RANBP17: variants seen among roughly 807,000 people sequenced by gnomAD.
RANBP17 encodes the protein ran-binding protein 17.
RANBP17 carries 158 observed loss-of-function variants against 141.2 expected under a neutral mutation model. That is an observed-to-expected ratio of 1.12 (90% CI 0.98 to 1.28). The LOEUF (loss-of-function observed/expected upper bound fraction) is 1.28. Ranked by LOEUF, RANBP17 falls within the 50% of genes most tolerant of loss-of-function variation. The pLI, the probability that RANBP17 is intolerant of heterozygous loss-of-function variation, is 0.00. For synonymous variants in RANBP17, 430 were observed against 450.0 expected, an observed-to-expected ratio of 0.96 and a Z score of 0.56; for missense variants, 1,438 against 1,290.7, an observed-to-expected ratio of 1.11 and a Z score of -1.75.
intron 3 of RANBP17, among the ~76,000 whole-genome samples, chr5:170,887,609 A>G (rs1410512227): frequency 6.6e-6 from 1 of 152,114 alleles, no homozygotes; most frequent in East Asian, 1.9e-4. Flanking sequence ...TCAGAGATCA[A>G]TTGACTGTAT....
chr5:170,897,153 C>G lies in RANBP17; in HGVS notation c.489+1038C>G, dbSNP rs1382621289. 3.5e-5 allele frequency: 29 copies of G among 817,748 alleles called. No individual in the cohort carries two copies. In the Admixed American group the frequency reaches 5.0e-4, roughly 14 times the overall value. 50.7% of individuals were successfully genotyped at this position (817,748 alleles called of 1,614,324 possible). ...GGACCACTGAGAGATGTATTTGATA[C>G]CAAACAGCTCATCACTGATACTTAT... On this transcript the variant is annotated intron_variant, in intron 5 of 27. Coordinates refer to ENST00000523189, the MANE Select transcript of RANBP17 (RefSeq NM_022897.5).
chr5:171,103,689 T>TG (rs2127747639), intron 14 of RANBP17, among the ~76,000 whole-genome samples: 1 of 151,786 alleles, frequency 6.6e-6, no homozygotes, highest in South Asian at 2.1e-4. Context: ...TCTGCTCAAA[T>TG]GGCCACCCAG....
intron 14 of RANBP17, among the ~76,000 whole-genome samples, chr5:171,163,002 A>G (rs1267247082): frequency 6.6e-6 from 1 of 152,222 alleles, no homozygotes; most frequent in Admixed American, 6.5e-5. Flanking sequence ...CAGATATTCT[A>G]ATTGAAATAA....
At chr5:171,119,761 T>C (rs376622784) in intron 14 of RANBP17, among the ~76,000 whole-genome samples, 13 of 152,196 alleles carry the variant, frequency 8.5e-5, no homozygotes, top group East Asian at 7.7e-4. Flanking sequence ...GCCACCTGGC[T>C]GGGCATGGTG....
At chr5:171,293,737 C>T in intron 25 of RANBP17, 146 bp from the exon 26 acceptor site, 1 of 638,618 alleles carries the variant, frequency 1.6e-6, no homozygotes, top group Non-Finnish European at 2.8e-6. Flanking sequence ...GCCTTATAAG[C>T]TTCCAGAGTC....
Position 171,221,784 on chromosome 5 carries a change from C to A in RANBP17, c.2366C>A (p.Ser789Ter). Residue 789 changes from serine (S) to a stop codon, truncating the protein, a stop_gained, in exon 22 of 28, where the codon TCA (serine) becomes TAA (stop). Coordinates refer to ENST00000523189, the MANE Select transcript of RANBP17 (RefSeq NM_022897.5). LOFTEE classifies it high-confidence loss of function. ...NRSQRLNFDV[S>*]SPNGILLFRE... Reference sequence around the variant, plus strand: ...TCCCAGCGTTTGAATTTTGATGTATCATCTCCTAATGGAATTCTTCTCTTC... The same window carrying A: ...TCCCAGCGTTTGAATTTTGATGTATAATCTCCTAATGGAATTCTTCTCTTC... 6.2e-7 allele frequency: 1 copy of A among 1,610,672 alleles called. No homozygotes were observed. Among genetic ancestry groups the A allele is most frequent in the South Asian group, 1.1e-5 (1 of 90,858 alleles).
intron 14 of RANBP17, among the ~76,000 whole-genome samples, chr5:171,097,580 G>A (rs375392069): frequency 7.4e-5 from 11 of 149,436 alleles, no homozygotes; most frequent in African/African-American, 2.4e-4. Flanking sequence ...GCTACTAAGC[G>A]GCAAAACCTT....
In RANBP17 at chr5:170,886,750, C is replaced by T. The variant is rs145590390; in HGVS notation, c.256+4854C>T. Among the ~76,000 whole-genome samples, 80 of 147,058 alleles carry T rather than the reference C, an allele frequency of 5.4e-4. No homozygotes were observed. In the East Asian group the frequency reaches 7.6e-3, roughly 14 times the overall value. ...TTGGCTCACTCCTCCCTTTGCCTCC[C>T]GGGCTCAAGTAGTGATCCTCCCACC... On this transcript the variant is annotated intron_variant, in intron 3 of 27. Transcript: ENST00000523189.
intron 14 of RANBP17, among the ~76,000 whole-genome samples, chr5:171,021,572 AT>A (rs1476659987): frequency 6.6e-6 from 1 of 151,982 alleles, no homozygotes; most frequent in Non-Finnish European, 1.5e-5. Flanking sequence ...TCAGCTATTG[AT>A]TGTATATGCT....
rs1386934456 is a variant in RANBP17, at chr5:170,919,491, A to C, written c.1152A>C (p.Gln384His). The C allele has an allele frequency of 6.2e-7, 1 of 1,610,112 alleles. No homozygotes were observed. Among genetic ancestry groups the C allele is most frequent in the East Asian group, 2.2e-5 (1 of 44,774 alleles). The stretch of plus-strand genomic sequence containing the variant: ...TTCATTATTTATTAACTCTGTGGCA[A>C]AGGATGGTAGCATCTGTTCCTTTTG... The part of the protein sequence containing the change: ...NSVHYLLTLW[Q>H]RMVASVPFVK... The change falls in exon 11 of 28, where the codon CAA becomes CAC. Residue 384 changes from glutamine (Q) to histidine (H), a missense_variant. Physicochemically the swap from Gln to His is conservative, Grantham distance 24. Coordinates refer to ENST00000523189, the MANE Select transcript of RANBP17 (RefSeq NM_022897.5).
intron 9 of RANBP17, among the ~76,000 whole-genome samples, chr5:170,917,350 A>T (rs1460791201): frequency 5.9e-5 from 9 of 152,164 alleles, no homozygotes. Flanking sequence ...TTTCTGCATT[A>T]ACTTTAGAGC....
intron 19 of RANBP17, among the ~76,000 whole-genome samples, chr5:171,201,283 A>T (rs1368749557): frequency 6.6e-6 from 1 of 152,222 alleles, no homozygotes; most frequent in Non-Finnish European, 1.5e-5. Flanking sequence ...CAAGTAATTA[A>T]GGGGAAATCT....
Position 170,924,554 on chromosome 5 carries a change from A to T in RANBP17, c.1468+4A>T, listed in dbSNP as rs1180762651. On this transcript the variant is annotated splice_donor_region_variant and intron_variant, in intron 12 of 27. Coordinates refer to ENST00000523189, the MANE Select transcript of RANBP17 (RefSeq NM_022897.5). ...GTGGACATCACCATTCAGGAAGGTC[A>T]GTAAACTTTATATGACTACTGAGTA... 1 of 1,579,064 alleles carries T rather than the reference A, an allele frequency of 6.3e-7. No individual in the cohort carries two copies. The highest frequency in any genetic ancestry group is 1.7e-5 in the Admixed American group (1 of 59,760).
At chr5:170,964,626 C>A (rs1776407678) in intron 13 of RANBP17, among the ~76,000 whole-genome samples, 1 of 152,086 alleles carries the variant, frequency 6.6e-6, no homozygotes, top group South Asian at 2.1e-4. Flanking sequence ...CAATTCCCAC[C>A]TATGAGTGAG....
chr5:170,999,662 G>T (rs1323493346), intron 14 of RANBP17, among the ~76,000 whole-genome samples: 1 of 152,130 alleles, frequency 6.6e-6, no homozygotes, highest in African/African-American at 2.4e-5. Context: ...TGAGATAGAT[G>T]AATTTTTAAT....
chr5:171,045,023 A>G (rs557290373), intron 14 of RANBP17, among the ~76,000 whole-genome samples: 1 of 152,192 alleles, frequency 6.6e-6, no homozygotes, highest in African/African-American at 2.4e-5. Flanking sequence ...ATACCAGGCT[A>G]AAAATGATTC....
intron 1 of RANBP17, among the ~76,000 whole-genome samples, chr5:170,864,538 C>T (rs1172844982): frequency 1.3e-5 from 2 of 152,132 alleles, no homozygotes; most frequent in Non-Finnish European, 2.9e-5. Context: ...TTACGATACC[C>T]TGTCCCAAAG....
At chr5:170,999,230 G>T (rs753859834) in intron 14 of RANBP17, among the ~76,000 whole-genome samples, 8 of 152,074 alleles carry the variant, frequency 5.3e-5, no homozygotes, top group Admixed American at 3.3e-4. Context: ...TTCTATAATT[G>T]TAAATAAAAT....
intron 14 of RANBP17, among the ~76,000 whole-genome samples, chr5:171,105,864 G>C (rs1419434288): frequency 6.6e-6 from 1 of 152,128 alleles, no homozygotes; most frequent in Admixed American, 6.5e-5. Context: ...GATATTGTTG[G>C]AAAAAAATAT....
Sources: allele counts gnomAD v4.1 joint callset (sites outside exome capture counted in the v4.1 genomes callset), GRCh38; gene constraint gnomAD v4.1.1; transcripts MANE v1.5; gene names NCBI Gene and HGNC (gene_info 2026-07-23, HGNC 2026-07-21).